CCDC83: variants seen among roughly 807,000 people sequenced by gnomAD.
CCDC83 encodes the protein coiled-coil domain containing 83.
A neutral mutation model predicts 50.1 loss-of-function variants in CCDC83; 54 were observed. That is an observed-to-expected ratio of 1.08 (90% CI 0.87 to 1.35). CCDC83 has a LOEUF of 1.35. Ranked by LOEUF, CCDC83 falls within the 40% of genes most tolerant of loss-of-function variation. CCDC83 has a pLI of 0.00. For missense variants in CCDC83, 518 were observed against 473.9 expected (o/e 1.09, Z -0.86); for synonymous variants, 161 against 153.3 (o/e 1.05, Z -0.37).
intron 7 of CCDC83, among the ~76,000 whole-genome samples, chr11:85,907,221 T>C (rs1321845090): frequency 1.3e-5 from 2 of 152,246 alleles, no homozygotes; most frequent in Non-Finnish European, 2.9e-5. Context: ...GCTGTTTTGT[T>C]ACATGATTAT....
chr11:85,900,863 A>C (rs2093397960), intron 7 of CCDC83, among the ~76,000 whole-genome samples: 1 of 151,850 alleles, frequency 6.6e-6, no homozygotes, highest in Non-Finnish European at 1.5e-5. Flanking sequence ...CCAGGAGTTC[A>C]AGACCAGCCT....
intron 3 of CCDC83, among the ~76,000 whole-genome samples, chr11:85,878,490 A>T (rs2093280779): frequency 6.6e-6 from 1 of 152,232 alleles, no homozygotes; most frequent in South Asian, 2.1e-4. Context: ...CTGGAGGTAC[A>T]TCCAGGTTGT....
At chr11:85,860,316 A>AAG (rs1034396354) in intron 1 of CCDC83, among the ~76,000 whole-genome samples, 4 of 151,476 alleles carry the variant, frequency 2.6e-5, no homozygotes, top group African/African-American at 7.3e-5. Flanking sequence ...AAAAAAAAAA[A>AAG]AAAAAAGAAG....
At chr11:85,881,317 G>A (rs1213174380) in intron 3 of CCDC83, among the ~76,000 whole-genome samples, 2 of 151,612 alleles carry the variant, frequency 1.3e-5, no homozygotes, top group African/African-American at 2.4e-5. Context: ...AGGTTGCAGT[G>A]AGCCAAGATC....
At chr11:85,872,201 C>T (rs1446991238) in intron 2 of CCDC83, among the ~76,000 whole-genome samples, 3 of 152,114 alleles carry the variant, frequency 2.0e-5, no homozygotes, top group African/African-American at 7.2e-5. Context: ...GATCCACCTG[C>T]TGGCCGGGCA....
At chr11:85,864,466 G>A (rs1050347410) in intron 1 of CCDC83, among the ~76,000 whole-genome samples, 1 of 152,090 alleles carries the variant, frequency 6.6e-6, no homozygotes, top group Non-Finnish European at 1.5e-5. Flanking sequence ...CTTTTAAAAG[G>A]TGTTTTTGAT....
chr11:85,882,690 T>C lies in CCDC83; in HGVS notation c.343+15T>C, dbSNP rs139523918. The C allele has an allele frequency of 6.1e-3, 9,785 of 1,610,264 alleles. 41 individuals carry two copies. The highest frequency in any genetic ancestry group is 7.7e-3 in the Non-Finnish European group (9,048 of 1,177,304). On this transcript the variant is annotated intron_variant, in intron 4 of 10. Coordinates refer to ENST00000342404, the MANE Select transcript of CCDC83 (RefSeq NM_001286159.2). ...AAACTTGAGAGGTGATTTAGGAACA[T>C]AGAAAACTATCATAGAGTTGTGCCA...
At chr11:85,869,533 G>A (rs1434206962) in intron 2 of CCDC83, among the ~76,000 whole-genome samples, 1 of 152,088 alleles carries the variant, frequency 6.6e-6, no homozygotes, top group African/African-American at 2.4e-5. Context: ...CATGGGTGGG[G>A]GGAACATTGA....
Position 85,884,993 on chromosome 11 carries a change from C to T in CCDC83, c.344-1207C>T, listed in dbSNP as rs541254037. ...TGGGATGCCAAGGCGGGCAGATTGCCTGAGGTCAGGAGTTCGAGACCAGCC... is the reference window on the plus strand; with the variant it reads ...TGGGATGCCAAGGCGGGCAGATTGCTTGAGGTCAGGAGTTCGAGACCAGCC... On this transcript the variant is annotated intron_variant, in intron 4 of 10. Coordinates refer to ENST00000342404, the MANE Select transcript of CCDC83 (RefSeq NM_001286159.2). Among the ~76,000 whole-genome samples the T allele has an allele frequency of 2.6e-5, 4 of 152,224 alleles. No homozygotes were observed. In the East Asian group the frequency reaches 7.7e-4, roughly 29 times the overall value.
Position 85,915,622 on chromosome 11 carries a change from C to A in CCDC83, c.874+124C>A, listed in dbSNP as rs138195092. 3,623 of 638,254 alleles carry A rather than the reference C, an allele frequency of 5.7e-3. 16 individuals are homozygous for A. Among genetic ancestry groups the A allele is most frequent in the Admixed American group, 9.0e-3 (287 of 31,810 alleles). 39.5% of individuals were successfully genotyped at this position (638,254 alleles called of 1,614,324 possible). ...AAGCTATTCAGAGAATAGACACCTG[C>A]CAGCTTCTCTAAATTTCTCCTCTTG... On this transcript the variant is annotated intron_variant, in intron 9 of 10. Transcript: ENST00000342404.
intron 3 of CCDC83, among the ~76,000 whole-genome samples, chr11:85,873,820 C>T (rs1364661171): frequency 6.6e-6 from 1 of 152,118 alleles, no homozygotes; most frequent in Non-Finnish European, 1.5e-5. Flanking sequence ...TAAAGATCAA[C>T]AGAAATAAAG....
chr11:85,900,805 C>T (rs1411071086), intron 7 of CCDC83, among the ~76,000 whole-genome samples: 2 of 152,176 alleles, frequency 1.3e-5, no homozygotes, highest in African/African-American at 2.4e-5. Context: ...TGGCTCACAC[C>T]TCTAATCCCA....
chr11:85,882,424 C>A (rs948715714), intron 3 of CCDC83, 89 bp from the exon 4 acceptor site: 3 of 1,323,630 alleles, frequency 2.3e-6, no homozygotes, highest in African/African-American at 2.9e-5. Flanking sequence ...CCTGTGATAC[C>A]CAAAGGCCGG....
rs1487460724 is a variant in CCDC83 at position 85,895,392 on chromosome 11, T to C, written c.603+8T>C. 2 of 1,491,340 alleles carry C rather than the reference T, an allele frequency of 1.3e-6. No homozygotes were observed. The highest frequency in any genetic ancestry group is 1.8e-6 in the Non-Finnish European group (2 of 1,088,668). 92.4% of individuals were successfully genotyped at this position (1,491,340 alleles called of 1,614,324 possible). ...AAGGAATGGGCCACACAGGTATAAT[T>C]CAATTTTCTTAAAAACAGAACAAAA... On this transcript the variant is annotated splice_region_variant and intron_variant, in intron 6 of 10. Transcript: ENST00000342404.
Position 85,911,331 on chromosome 11 carries a change from A to G in CCDC83, c.723A>G (p.Glu241=). Residue 241 remains glutamate, a synonymous_variant, in exon 8 of 11, where the codon GAA becomes GAG. Transcript: ENST00000342404. ...EVEELKNAIH[E]LEAENLVLID... is the part of the protein sequence containing the mutation. ...AAGAATTAAAAAATGCTATTCATGA[A>G]CTGGAAGCAGAAAATTTGGTGCTTA... The G allele has an allele frequency of 6.2e-7, 1 of 1,611,652 alleles. No individual in the cohort carries two copies. The highest frequency in any genetic ancestry group is 8.5e-7 in the Non-Finnish European group (1 of 1,178,752).
intron 5 of CCDC83, among the ~76,000 whole-genome samples, chr11:85,891,660 T>C (rs2093350906): frequency 6.6e-6 from 1 of 152,220 alleles, no homozygotes; most frequent in East Asian, 1.9e-4. Flanking sequence ...GTAACATTGT[T>C]TCTTTGAATG....
intron 1 of CCDC83, among the ~76,000 whole-genome samples, chr11:85,859,158 TAA>T (rs55964668): frequency 4.7e-4 from 32 of 68,782 alleles, no homozygotes; most frequent in South Asian, 1.4e-3. Context: ...CTTGGTGCCT[TAA>T]AAAAAAAAAA....
Position 85,865,202 on chromosome 11 carries a change from G to T in CCDC83, c.79G>T (p.Ala27Ser). 1 of 1,599,402 alleles carries T rather than the reference G, an allele frequency of 6.3e-7. No homozygotes were observed. The highest frequency in any genetic ancestry group is 2.2e-5 in the East Asian group (1 of 44,800). Residue 27 changes from alanine to serine, a missense_variant, in exon 2 of 11, where the codon GCA becomes TCA. Coordinates refer to ENST00000342404, the MANE Select transcript of CCDC83 (RefSeq NM_001286159.2). ...AGAAATTAAACTGCCTACCAGTGAA[G>T]CACTTCTAGACTATCAGTAAGTTTT... ...PKEIKLPTSE[A>S]LLDYQCQIKE...
chr11:85,902,246 T>A (rs2093405905), intron 7 of CCDC83, among the ~76,000 whole-genome samples: 1 of 152,118 alleles, frequency 6.6e-6, no homozygotes, highest in Non-Finnish European at 1.5e-5. Context: ...AATAGCAAAG[T>A]TCAGATGAAA....
Sources: allele counts gnomAD v4.1 joint callset (sites outside exome capture counted in the v4.1 genomes callset), GRCh38; gene constraint gnomAD v4.1.1; transcripts MANE v1.5; gene names NCBI Gene and HGNC (gene_info 2026-07-23, HGNC 2026-07-21).